The following TMEM132D variants were observed in gnomAD, a reference collection of about 807,000 sequenced individuals.
The protein encoded by TMEM132D is transmembrane protein 132D, also known as mature OL transmembrane protein.
In TMEM132D, 21 loss-of-function variants were observed where a neutral mutation model predicts 62.3. That is an observed-to-expected ratio of 0.34 (90% CI 0.24 to 0.49). The LOEUF (loss-of-function observed/expected upper bound fraction) is 0.49, where lower values mean the gene tolerates loss of function less well. TMEM132D is among the 20% of genes least tolerant of loss of function. The pLI, the probability that TMEM132D is intolerant of heterozygous loss-of-function variation, is 0.99. For missense variants in TMEM132D, 1,346 were observed against 1,402.8 expected, an observed-to-expected ratio of 0.96 and a Z score of 0.65; for synonymous variants, 621 against 575.6, an observed-to-expected ratio of 1.08 and a Z score of -1.13.
At chr12:129,499,819 G>T (rs1593039225) in intron 3 of TMEM132D, among the ~76,000 whole-genome samples, 1 of 152,294 alleles carries the variant, frequency 6.6e-6, no homozygotes, top group East Asian at 1.9e-4. Context: ...GAGTTATCCT[G>T]GCCTTGAGGG....
rs758174835 is a variant in TMEM132D at position 129,081,917 on chromosome 12, C to T, written c.1765G>A (p.Gly589Ser). The T allele has an allele frequency of 1.2e-5, 19 of 1,613,884 alleles. No individual in the cohort carries two copies. The highest frequency in any genetic ancestry group is 1.6e-4 in the Middle Eastern group (1 of 6,082). ...VLTQFVAEAA[G>S]PGGHLAHLLG... ...AGGTGGGCCAGGTGTCCCCCAGGGC[C>T]GGCCGCCTCAGCCACAAACTGCGTC... Residue 589 changes from glycine (G) to serine (S), a missense_variant, in exon 7 of 9, where the codon GGC (glycine) becomes AGC (serine). Transcript: ENST00000422113.
intron 4 of TMEM132D, among the ~76,000 whole-genome samples, chr12:129,276,445 A>C (rs1446762021): frequency 6.6e-6 from 1 of 152,194 alleles, no homozygotes; most frequent in African/African-American, 2.4e-5. Context: ...GATTTATGGA[A>C]TTTGTCAGTT....
At chr12:129,093,250 G>A (rs150500630) in intron 5 of TMEM132D, among the ~76,000 whole-genome samples, 84 of 152,316 alleles carry the variant, frequency 5.5e-4, no homozygotes, top group African/African-American at 1.6e-3. Context: ...CCTAAATTCT[G>A]TTTGCAGATG....
intron 5 of TMEM132D, among the ~76,000 whole-genome samples, chr12:129,175,920 G>T (rs1053406462): frequency 6.6e-6 from 1 of 152,196 alleles, no homozygotes; most frequent in Non-Finnish European, 1.5e-5. Flanking sequence ...GAAGTAAAAT[G>T]TCTGGCAGAG....
intron 5 of TMEM132D, among the ~76,000 whole-genome samples, chr12:129,181,973 AC>A (rs1264313389): frequency 4.6e-5 from 7 of 152,288 alleles, no homozygotes; most frequent in Middle Eastern, 3.4e-3. Context: ...TGTCTCTAGC[AC>A]CTAGCAAAGT....
In TMEM132D at chr12:129,072,822, G is replaced by A. The variant is rs1028447032; in HGVS notation, c.*1053C>T. ...CCCTGTTTTCTTTCTAGTAAAGCAAGGGAATGTATATCCCCTGGTATGGAA... is the reference window on the plus strand; with the variant it reads ...CCCTGTTTTCTTTCTAGTAAAGCAAAGGAATGTATATCCCCTGGTATGGAA... On this transcript the variant is annotated 3_prime_UTR_variant, in exon 9 of 9. Coordinates refer to ENST00000422113, the MANE Select transcript of TMEM132D (RefSeq NM_133448.3). 6.6e-6 allele frequency: 1 copy of A among 152,244 alleles called. No homozygotes were observed. The highest frequency in any genetic ancestry group is 1.5e-5 in the Non-Finnish European group (1 of 68,062). 9.4% of individuals were successfully genotyped at this position (152,244 alleles called of 1,614,324 possible).
chr12:129,524,904 A>G (rs1246914125), intron 3 of TMEM132D, among the ~76,000 whole-genome samples: 1 of 119,438 alleles, frequency 8.4e-6, no homozygotes, highest in South Asian at 2.7e-4. Context: ...ACATTTTATT[A>G]TTTTCATATT....
At chr12:129,134,955 C>T (rs1876514225) in intron 5 of TMEM132D, among the ~76,000 whole-genome samples, 1 of 152,234 alleles carries the variant, frequency 6.6e-6, no homozygotes, top group African/African-American at 2.4e-5. Context: ...CAAACCCACA[C>T]TGGACCAATT....
chr12:129,593,125 A>G (rs1227946476), intron 2 of TMEM132D, among the ~76,000 whole-genome samples: 1 of 64,312 alleles, frequency 1.6e-5, no homozygotes, highest in African/African-American at 6.4e-5. Context: ...CACTCTGGGG[A>G]AAAAAAAGGT....
At chr12:129,180,116 A>G (rs867276954) in intron 5 of TMEM132D, among the ~76,000 whole-genome samples, 8 of 152,180 alleles carry the variant, frequency 5.3e-5, no homozygotes, top group African/African-American at 1.9e-4. Context: ...GACACCTGCC[A>G]CATGCTGGGA....
chr12:129,203,285 A>T (rs1454106863), intron 5 of TMEM132D, among the ~76,000 whole-genome samples: 1 of 152,220 alleles, frequency 6.6e-6, no homozygotes, highest in Non-Finnish European at 1.5e-5. Context: ...CTCCAGAGTC[A>T]CTCTGAACCT....
At chr12:129,165,691 T>TTC (rs1555233888) in intron 5 of TMEM132D, among the ~76,000 whole-genome samples, 18,494 of 151,010 alleles carry the variant, frequency 0.12, 1,358 homozygotes, top group Non-Finnish European at 0.17. Context: ...TTTTTTTTTT[T>TTC]CCCCTACAAA....
intron 3 of TMEM132D, among the ~76,000 whole-genome samples, chr12:129,386,767 A>G (rs1207985463): frequency 6.6e-6 from 1 of 151,796 alleles, no homozygotes; most frequent in Non-Finnish European, 1.5e-5. Flanking sequence ...ATCATAATAC[A>G]AACACAAATA....
At chr12:129,271,477 T>C (rs1314548150) in intron 4 of TMEM132D, among the ~76,000 whole-genome samples, 1 of 151,580 alleles carries the variant, frequency 6.6e-6, no homozygotes, top group African/African-American at 2.4e-5. Flanking sequence ...TGTACCAGGG[T>C]GGTTTGCTGC....
At chr12:129,632,059 G>A (rs2137167730) in intron 2 of TMEM132D, among the ~76,000 whole-genome samples, 1 of 152,296 alleles carries the variant, frequency 6.6e-6, no homozygotes, top group Admixed American at 6.5e-5. Context: ...TACACAACAG[G>A]AGCATTTTAC....
intron 3 of TMEM132D, among the ~76,000 whole-genome samples, chr12:129,461,151 G>A (rs1017276638): frequency 2.6e-5 from 4 of 152,336 alleles, no homozygotes; most frequent in East Asian, 3.9e-4. Flanking sequence ...GAGTAGAGGT[G>A]CAGAAGGAAT....
Position 129,073,934 on chromosome 12 carries a change from C to T in TMEM132D, c.3241G>A (p.Asp1081Asn), listed in dbSNP as rs1021116259. ...DDIKWVCQDL[D>N]PGDCKELHNY... ...TGCAGCTCTTTGCAGTCCCCAGGGTCCAGATCCTGGCAGACCCACTTAATG... is the reference window on the plus strand; with the variant it reads ...TGCAGCTCTTTGCAGTCCCCAGGGTTCAGATCCTGGCAGACCCACTTAATG... The change falls in exon 9 of 9, where the codon GAC becomes AAC. Residue 1081 changes from aspartate to asparagine, a missense_variant. Coordinates refer to ENST00000422113, the MANE Select transcript of TMEM132D (RefSeq NM_133448.3). 1 of 1,601,646 alleles carries T rather than the reference C, an allele frequency of 6.2e-7. No individual in the cohort carries two copies. The highest frequency in any genetic ancestry group is 1.3e-5 in the African/African-American group (1 of 74,512).
chr12:129,410,057 G>T (rs1038993026), intron 3 of TMEM132D, among the ~76,000 whole-genome samples: 1 of 152,184 alleles, frequency 6.6e-6, no homozygotes, highest in Non-Finnish European at 1.5e-5. Context: ...CTGGAGCACT[G>T]CTACCCAGTG....
intron 1 of TMEM132D, among the ~76,000 whole-genome samples, chr12:129,747,214 T>TTCTCCCTCCTCCCGCTCCTTC (rs1555229163): frequency 2.4e-3 from 14 of 5,900 alleles, no homozygotes; most frequent in South Asian, 6.8e-3. Context: ...TTACTCCTCC[T>TTCTCCCTCCTCCCGCTCCTTC]TCCAGCCACC....
Sources: gnomAD v4.1 joint callset for allele counts (sites outside exome capture counted in the v4.1 genomes callset) on GRCh38, gnomAD v4.1.1 for gene constraint, MANE v1.5 for transcripts, NCBI Gene and HGNC (gene_info 2026-07-23, HGNC 2026-07-21) for gene names.